Variants in OPCML observed in about 807,000 individuals in gnomAD.
OPCML encodes the protein opioid binding protein/cell adhesion molecule like, also known as opioid-binding protein/cell adhesion molecule.
A neutral mutation model predicts 37.8 loss-of-function variants in OPCML; 13 were observed. The ratio of observed to expected loss-of-function variants is 0.34; its 90% CI spans 0.22 to 0.55. The LOEUF is 0.55. OPCML is among the 20% of genes least tolerant of loss of function. The pLI is 0.91. For synonymous variants in OPCML, 176 were observed against 168.8 expected (o/e 1.04, Z -0.33); for missense variants, 341 against 435.6 (o/e 0.78, Z 1.93).
At chr11:133,507,994 C>T (rs1948071988) in intron 1 of OPCML, among the ~76,000 whole-genome samples, 1 of 151,854 alleles carries the variant, frequency 6.6e-6, no homozygotes, top group South Asian at 2.1e-4. Context: ...ATAATGCAAG[C>T]TGTAAGATCG....
intron 1 of OPCML, among the ~76,000 whole-genome samples, chr11:133,264,596 C>A (rs544883109): frequency 9.1e-4 from 138 of 152,172 alleles, no homozygotes; most frequent in African/African-American, 3.1e-3. Flanking sequence ...CAGGAGTGAA[C>A]TAACATGCTG....
intron 1 of OPCML, among the ~76,000 whole-genome samples, chr11:133,286,470 C>CAAAAAAAAAAA (rs60645863): frequency 1.9e-5 from 1 of 51,308 alleles, no homozygotes; most frequent in Admixed American, 2.9e-4. Context: ...CTGTGTCTCA[C>CAAAAAAAAAAA]AAAAAAAAAA....
intron 1 of OPCML, among the ~76,000 whole-genome samples, chr11:133,120,778 A>G (rs930545427): frequency 2.0e-5 from 3 of 152,184 alleles, no homozygotes; most frequent in African/African-American, 7.2e-5. Context: ...CTATGATCAC[A>G]TACATCTCAG....
chr11:132,555,517 T>C (rs1404831991), intron 3 of OPCML, among the ~76,000 whole-genome samples: 1 of 152,132 alleles, frequency 6.6e-6, no homozygotes, highest in Non-Finnish European at 1.5e-5. Flanking sequence ...ATGGGAATTA[T>C]GGGAGCTACA....
At chr11:132,702,424 T>C (rs564815171) in intron 2 of OPCML, among the ~76,000 whole-genome samples, 5 of 152,332 alleles carry the variant, frequency 3.3e-5, no homozygotes, top group East Asian at 1.9e-4. Context: ...GATAGTTTTA[T>C]GGGAGTTGGG....
intron 1 of OPCML, among the ~76,000 whole-genome samples, chr11:133,507,023 C>T (rs916052998): frequency 2.0e-5 from 3 of 152,004 alleles, no homozygotes; most frequent in Non-Finnish European, 4.4e-5. Context: ...GTGGGTCTTT[C>T]CCCCACTTCC....
intron 1 of OPCML, chr11:133,419,160 C>T (rs1270463626): frequency 1.3e-6 from 1 of 755,552 alleles, no homozygotes; most frequent in African/African-American, 1.9e-5. Context: ...TCCTTCTCTA[C>T]TGCAATAGCA....
Position 132,436,750 on chromosome 11 carries a change from T to C in OPCML, c.673A>G (p.Thr225Ala). ...CCCTTCTGACCGACTGAAACACCAG[T>C]GTTCTTGGCTTTTGAGATATAGGGA... ...YPPYISKAKN[T>A]GVSVGQKGIL... The change falls in exon 6 of 8, where the codon ACT becomes GCT. Residue 225 changes from threonine to alanine, a missense_variant. By Grantham distance (58) the Thr-to-Ala change is moderately conservative. Transcript: ENST00000524381. 10 of 1,614,030 alleles carry C rather than the reference T, an allele frequency of 6.2e-6. No homozygotes were observed. The highest frequency in any genetic ancestry group is 7.6e-6 in the Non-Finnish European group (9 of 1,180,002).
intron 1 of OPCML, among the ~76,000 whole-genome samples, chr11:133,279,900 G>C (rs897115327): frequency 1.3e-5 from 2 of 152,120 alleles, no homozygotes; most frequent in African/African-American, 4.8e-5. Context: ...GGAGTTAATT[G>C]GTTATTTGTG....
At chr11:133,060,946 G>C (rs1948330959) in intron 1 of OPCML, among the ~76,000 whole-genome samples, 1 of 152,216 alleles carries the variant, frequency 6.6e-6, no homozygotes, top group Non-Finnish European at 1.5e-5. Flanking sequence ...CTTAACTTTT[G>C]CTATAGTTGA....
Position 132,774,484 on chromosome 11 carries a change from C to T in OPCML, c.147-117165G>A, listed in dbSNP as rs192991970. On this transcript the variant is annotated intron_variant, in intron 2 of 7. Coordinates refer to ENST00000524381, the MANE Select transcript of OPCML (RefSeq NM_001012393.5). ...CATAGTGCTGGAAAGCCACAAGCCT[C>T]GCTCTCTTTTCATCTCCTGTTTTAC... 4.6e-5 allele frequency among the ~76,000 whole-genome samples: 7 copies of T among 152,266 alleles called. No homozygotes were observed. The East Asian group carries it at 7.7e-4, about 17-fold the overall frequency.
intron 1 of OPCML, among the ~76,000 whole-genome samples, chr11:133,197,541 G>A (rs905315729): frequency 2.0e-5 from 3 of 152,164 alleles, no homozygotes; most frequent in Non-Finnish European, 4.4e-5. Flanking sequence ...CTAAGGTCTG[G>A]AAATGCCTAG....
At chr11:132,635,248 T>C (rs1290532681) in intron 3 of OPCML, among the ~76,000 whole-genome samples, 1 of 152,184 alleles carries the variant, frequency 6.6e-6, no homozygotes, top group Non-Finnish European at 1.5e-5. Flanking sequence ...TTTTAAAATA[T>C]AATACAATCC....
chr11:133,458,768 C>CGTGTGTGTATATACACATAGATGCATGT (rs1946781824), intron 1 of OPCML, among the ~76,000 whole-genome samples: 1 of 24,246 alleles, frequency 4.1e-5, no homozygotes, highest in Non-Finnish European at 9.1e-5. Context: ...CATAGATGCA[C>CGTGTGTGTATATACACATAGATGCATGT]GTGTGTGTAT....
At chr11:132,795,319 G>T (rs953912124) in intron 2 of OPCML, among the ~76,000 whole-genome samples, 4 of 152,088 alleles carry the variant, frequency 2.6e-5, no homozygotes, top group African/African-American at 9.7e-5. Flanking sequence ...TGGAGTTTTT[G>T]TTTGTTTCTC....
intron 7 of OPCML, among the ~76,000 whole-genome samples, chr11:132,422,730 G>A (rs186659702): frequency 5.5e-4 from 84 of 152,336 alleles, no homozygotes; most frequent in Admixed American, 1.6e-3. Context: ...CTATGGCCAC[G>A]CAACTTATGC....
chr11:133,272,896 A>G (rs1941891548), intron 1 of OPCML, among the ~76,000 whole-genome samples: 1 of 152,164 alleles, frequency 6.6e-6, no homozygotes, highest in Non-Finnish European at 1.5e-5. Flanking sequence ...GGGGCAGAAG[A>G]AATGTTATTG....
chr11:132,451,875 C>T (rs1215835614), intron 4 of OPCML, among the ~76,000 whole-genome samples: 1 of 152,162 alleles, frequency 6.6e-6, no homozygotes, highest in East Asian at 1.9e-4. Context: ...CAGTAACTTT[C>T]TAGGTTTTTT....
At chr11:133,523,735 C>G (rs561664872) in intron 1 of OPCML, among the ~76,000 whole-genome samples, 1 of 152,312 alleles carries the variant, frequency 6.6e-6, no homozygotes, top group South Asian at 2.1e-4. Flanking sequence ...CCTCTACACT[C>G]CAGTCAGGTG....
Sources: allele counts gnomAD v4.1 joint callset (sites outside exome capture counted in the v4.1 genomes callset), GRCh38; gene constraint gnomAD v4.1.1; transcripts MANE v1.5; gene names NCBI Gene and HGNC (gene_info 2026-07-23, HGNC 2026-07-21).